GRIK1: variants seen among roughly 807,000 people sequenced by gnomAD.
GRIK1 encodes the protein glutamate receptor ionotropic, kainate 1.
In GRIK1, 69 loss-of-function variants were observed where a neutral mutation model predicts 105.7. The ratio of observed to expected loss-of-function variants is 0.65; its 90% CI spans 0.54 to 0.80. The LOEUF is 0.80. Ranked by LOEUF, GRIK1 falls within the 30% of genes least tolerant of loss-of-function variation. The pLI is 0.00. For missense variants in GRIK1, 1,109 were observed against 1,167.3 expected (o/e 0.95, Z 0.73); for synonymous variants, 438 against 431.3 (o/e 1.02, Z -0.19).
chr21:29,847,731 T>C (rs1239073570), intron 1 of GRIK1, among the ~76,000 whole-genome samples: 1 of 152,244 alleles, frequency 6.6e-6, no homozygotes, highest in Non-Finnish European at 1.5e-5. Flanking sequence ...GAAACAATTA[T>C]CATTGCATTC....
At chr21:29,890,863 C>T (rs1372479728) in intron 1 of GRIK1, among the ~76,000 whole-genome samples, 1 of 152,034 alleles carries the variant, frequency 6.6e-6, no homozygotes, top group African/African-American at 2.4e-5. Context: ...ATAAACAGAG[C>T]CCATTTATAT....
intron 1 of GRIK1, among the ~76,000 whole-genome samples, chr21:29,702,542 T>C (rs968797677): frequency 6.6e-6 from 1 of 152,028 alleles, no homozygotes; most frequent in African/African-American, 2.4e-5. Flanking sequence ...CAAAATCCCA[T>C]CTCTATTAAA....
chr21:29,600,260 A>T (rs1282468995), intron 7 of GRIK1, among the ~76,000 whole-genome samples: 1 of 152,190 alleles, frequency 6.6e-6, no homozygotes, highest in Non-Finnish European at 1.5e-5. Context: ...TCCAGGGATG[A>T]GGACATGGGT....
intron 1 of GRIK1, among the ~76,000 whole-genome samples, chr21:29,782,639 T>C (rs1048748996): frequency 3.3e-5 from 5 of 152,186 alleles, no homozygotes; most frequent in East Asian, 1.9e-4. Flanking sequence ...GTTTGTCTTG[T>C]AGATTTGAAT....
chr21:29,606,192 G>A (rs764509451), intron 7 of GRIK1, among the ~76,000 whole-genome samples: 15 of 152,118 alleles, frequency 9.9e-5, no homozygotes, highest in Non-Finnish European at 1.8e-4. Flanking sequence ...TTTGTATGTG[G>A]CAGAGATGTA....
intron 1 of GRIK1, among the ~76,000 whole-genome samples, chr21:29,920,021 C>T (rs1482490297): frequency 6.6e-6 from 1 of 152,062 alleles, no homozygotes; most frequent in African/African-American, 2.4e-5. Flanking sequence ...GGAACAAGGG[C>T]TCTCCCTGAG....
At chr21:29,605,055 T>A (rs1286612737) in intron 7 of GRIK1, among the ~76,000 whole-genome samples, 1 of 152,192 alleles carries the variant, frequency 6.6e-6, no homozygotes, top group East Asian at 1.9e-4. Context: ...AGGGAATTTT[T>A]TTTTCTTCAA....
intron 1 of GRIK1, among the ~76,000 whole-genome samples, chr21:29,934,572 A>G (rs964301302): frequency 6.6e-6 from 1 of 152,230 alleles, no homozygotes; most frequent in African/African-American, 2.4e-5. Context: ...TAACTAAATT[A>G]CTGAAAGTAA....
chr21:29,834,329 T>A (rs1218960881), intron 1 of GRIK1, among the ~76,000 whole-genome samples: 1 of 148,500 alleles, frequency 6.7e-6, no homozygotes, highest in Non-Finnish European at 1.5e-5. Flanking sequence ...TATATAAAAA[T>A]ATATATATTT....
rs1232241705 is a variant in GRIK1, at chr21:29,693,922, A to T, written c.260T>A (p.Phe87Tyr). 1 of 1,613,418 alleles carries T rather than the reference A, an allele frequency of 6.2e-7. No individual in the cohort carries two copies. Among genetic ancestry groups the T allele is most frequent in the Non-Finnish European group, 8.5e-7 (1 of 1,179,592 alleles). ...LTYDIQRINL[F>Y]DSFEASRRAC... is the part of the protein sequence containing the mutation. Reference sequence around the variant, plus strand: ...TCTCCGCGAGGCTTCAAAACTATCAAAAAGGTTAATTCTCTGGATGTCATA... The same window carrying T: ...TCTCCGCGAGGCTTCAAAACTATCATAAAGGTTAATTCTCTGGATGTCATA... The change falls in exon 2 of 18, where the codon TTT becomes TAT. Residue 87 changes from phenylalanine to tyrosine, a missense_variant. Around this residue, in one of 5 missense-constraint regions of GRIK1, gnomAD observed 612 missense variants for 586.0 expected, o/e 1.04. Transcript: ENST00000327783.
intron 2 of GRIK1, among the ~76,000 whole-genome samples, chr21:29,692,559 T>C (rs1353456150): frequency 6.6e-6 from 1 of 152,158 alleles, no homozygotes; most frequent in East Asian, 1.9e-4. Context: ...GATATAAAAA[T>C]ATTATGTTGT....
chr21:29,734,988 G>A (rs762680797), intron 1 of GRIK1, among the ~76,000 whole-genome samples: 22 of 152,052 alleles, frequency 1.4e-4, no homozygotes, highest in Non-Finnish European at 2.8e-4. Context: ...CTTTCTCAAA[G>A]AGACCTCCCT....
At chr21:29,846,994 TG>T (rs1485415023) in intron 1 of GRIK1, among the ~76,000 whole-genome samples, 1 of 152,222 alleles carries the variant, frequency 6.6e-6, no homozygotes, top group Non-Finnish European at 1.5e-5. Context: ...CATAAAATTG[TG>T]AACTTGACCT....
At chr21:29,738,376 GCAAA>G (rs1280817196) in intron 1 of GRIK1, among the ~76,000 whole-genome samples, 1 of 152,196 alleles carries the variant, frequency 6.6e-6, no homozygotes, top group Non-Finnish European at 1.5e-5. Context: ...TTCAGAAGAA[GCAAA>G]CAGTTTTTGA....
chr21:29,736,885 G>T (rs1236578159), intron 1 of GRIK1, among the ~76,000 whole-genome samples: 1 of 151,734 alleles, frequency 6.6e-6, no homozygotes, highest in African/African-American at 2.4e-5. Context: ...CACCATGTTG[G>T]TCAGGCTGGT....
At chr21:29,935,027 AGACACAGGT>A (rs1314038306) in intron 1 of GRIK1, among the ~76,000 whole-genome samples, 9 of 152,166 alleles carry the variant, frequency 5.9e-5, no homozygotes, top group Admixed American at 5.9e-4. Flanking sequence ...ATGATTTTGA[AGACACAGGT>A]GCCTCTCTCA....
At chr21:29,890,963 A>G (rs1415822613) in intron 1 of GRIK1, among the ~76,000 whole-genome samples, 2 of 152,162 alleles carry the variant, frequency 1.3e-5, no homozygotes, top group African/African-American at 2.4e-5. Flanking sequence ...AATTATCTGT[A>G]TCAAGAAGCT....
At chr21:29,845,259 G>GA (rs1449446533) in intron 1 of GRIK1, among the ~76,000 whole-genome samples, 7 of 151,304 alleles carry the variant, frequency 4.6e-5, no homozygotes, top group Non-Finnish European at 1.0e-4. Context: ...TACTGATTAA[G>GA]AAAAAAAATG....
At chr21:29,791,353 A>G (rs73358477) in intron 1 of GRIK1, among the ~76,000 whole-genome samples, 1,666 of 152,250 alleles carry the variant, frequency 0.011, 38 homozygotes, top group African/African-American at 0.038. Flanking sequence ...GTTTGGGGGC[A>G]CTGAAGCCTG....
Sources: gnomAD v4.1 joint callset for allele counts (sites outside exome capture counted in the v4.1 genomes callset) on GRCh38, gnomAD v4.1.1 for gene constraint, gnomAD v4.1.1 regional missense constraint, MANE v1.5 for transcripts, NCBI Gene and HGNC (gene_info 2026-07-23, HGNC 2026-07-21) for gene names.